The following MACROD2 variants were observed in gnomAD, a reference collection of about 807,000 sequenced individuals.
MACROD2 encodes mono-ADP ribosylhydrolase 2.
MACROD2 carries 36 observed loss-of-function variants against 70.4 expected under a neutral mutation model. That is an observed-to-expected ratio of 0.51 (90% confidence interval 0.39 to 0.68). The LOEUF (loss-of-function observed/expected upper bound fraction) is 0.68. Ranked by LOEUF, MACROD2 falls within the 30% of genes least tolerant of loss-of-function variation. The pLI is 0.00. For synonymous variants in MACROD2, 172 were observed against 178.8 expected (o/e 0.96, Z 0.30); for missense variants, 496 against 538.4 (o/e 0.92, Z 0.78).
Position 15,227,823 on chromosome 20 carries a change from GTTTTTTT to G in MACROD2, c.419-2097_419-2091del, listed in dbSNP as rs59129207. On this transcript the variant is annotated intron_variant, in intron 5 of 17. Transcript: ENST00000684519. ...TAACTGGTGTGATAGAATTTCACCT[GTTTTTTT>G]TTTTTTTTTTTTTTTTTTTCAAATT... Among the ~76,000 whole-genome samples, 30 of 46,108 alleles carry G rather than the reference GTTTTTTT, an allele frequency of 6.5e-4. 1 individual carries two copies. Among genetic ancestry groups the G allele is most frequent in the African/African-American group, 1.4e-3 (14 of 10,318 alleles). 30.2% of individuals were successfully genotyped at this position (46,108 alleles called of 152,430 possible).
At chr20:15,500,416 G>T (rs1357986652) in intron 8 of MACROD2, among the ~76,000 whole-genome samples, 2 of 152,130 alleles carry the variant, frequency 1.3e-5, no homozygotes, top group Non-Finnish European at 2.9e-5. Context: ...TAAGATCTTT[G>T]TGATACGTTT....
chr20:14,469,901 A>G (rs1316008995), intron 3 of MACROD2, among the ~76,000 whole-genome samples: 1 of 151,520 alleles, frequency 6.6e-6, no homozygotes, highest in African/African-American at 2.4e-5. Context: ...GGAGTTTGTT[A>G]TTTCTCACCC....
intron 5 of MACROD2, among the ~76,000 whole-genome samples, chr20:14,869,927 C>T (rs1446119617): frequency 2.6e-5 from 4 of 152,084 alleles, no homozygotes; most frequent in Non-Finnish European, 5.9e-5. Flanking sequence ...ATTCAGGAAC[C>T]AGGGCTCATG....
At position 14,150,605 on chromosome 20, in the gene MACROD2, T is replaced by A. The variant is rs866202813; in HGVS notation, c.271+64877T>A. ...TTGATTATCTCTCATTTTTGATTAG[T>A]ACAGATACAGAATTTTATTTTTCTT... On this transcript the variant is annotated intron_variant, in intron 3 of 17. Transcript: ENST00000684519. Among the ~76,000 whole-genome samples, 38 of 152,316 alleles carry A rather than the reference T, an allele frequency of 2.5e-4. No homozygotes were observed. In the Middle Eastern group the frequency reaches 0.01, roughly 41 times the overall value.
At chr20:15,454,430 CA>C (rs2046691070) in intron 7 of MACROD2, among the ~76,000 whole-genome samples, 2 of 150,818 alleles carry the variant, frequency 1.3e-5, no homozygotes, top group Admixed American at 1.3e-4. Context: ...CACACACACA[CA>C]CACACACACA....
chr20:15,212,416 A>G (rs6079706), intron 5 of MACROD2, among the ~76,000 whole-genome samples: 28,676 of 152,188 alleles, frequency 0.19, 2,924 homozygotes, highest in African/African-American at 0.26. Flanking sequence ...AGCTCTTCCT[A>G]CTGCAAAATG....
intron 15 of MACROD2, among the ~76,000 whole-genome samples, chr20:15,994,970 A>C (rs1403340869): frequency 6.6e-6 from 1 of 152,234 alleles, no homozygotes; most frequent in Admixed American, 6.5e-5. Context: ...TAGGAAATAT[A>C]GTATTATTTA....
At chr20:15,766,782 G>C (rs770069281) in intron 8 of MACROD2, among the ~76,000 whole-genome samples, 1 of 152,092 alleles carries the variant, frequency 6.6e-6, no homozygotes, top group African/African-American at 2.4e-5. Context: ...ATAACAAACC[G>C]CCTCATAGTA....
chr20:14,287,562 A>C (rs1445161298), intron 3 of MACROD2, among the ~76,000 whole-genome samples: 1 of 152,178 alleles, frequency 6.6e-6, no homozygotes, highest in Non-Finnish European at 1.5e-5. Context: ...CTATGTAATA[A>C]ATTACCACAA....
intron 5 of MACROD2, among the ~76,000 whole-genome samples, chr20:15,053,476 A>G (rs2075458972): frequency 6.6e-6 from 1 of 152,164 alleles, no homozygotes; most frequent in Admixed American, 6.5e-5. Flanking sequence ...TGCACTCTAT[A>G]AAAGGAACAA....
At chr20:15,087,122 C>A (rs142193275) in intron 5 of MACROD2, among the ~76,000 whole-genome samples, 1 of 152,052 alleles carries the variant, frequency 6.6e-6, no homozygotes, top group Admixed American at 6.6e-5. Context: ...CTTTCTATTT[C>A]TCTATCAATT....
At chr20:15,135,360 T>A (rs1321043148) in intron 5 of MACROD2, among the ~76,000 whole-genome samples, 11 of 151,848 alleles carry the variant, frequency 7.2e-5, no homozygotes, top group Admixed American at 2.0e-4. Flanking sequence ...AAAAAGCTTA[T>A]CCACCATGAT....
intron 9 of MACROD2, among the ~76,000 whole-genome samples, chr20:15,876,668 A>G (rs1035774657): frequency 1.3e-5 from 2 of 152,138 alleles, no homozygotes; most frequent in African/African-American, 4.8e-5. Context: ...TTCTAGTTCT[A>G]GATCCCTGAG....
At chr20:15,233,999 A>ATTCTTTTTTTT in intron 6 of MACROD2, among the ~76,000 whole-genome samples, 1 of 57,782 alleles carries the variant, frequency 1.7e-5, no homozygotes, top group African/African-American at 5.2e-5. Flanking sequence ...ATATATATAT[A>ATTCTTTTTTTT]TATATATATA....
At chr20:15,274,320 C>G (rs922410178) in intron 6 of MACROD2, among the ~76,000 whole-genome samples, 1 of 152,184 alleles carries the variant, frequency 6.6e-6, no homozygotes, top group Non-Finnish European at 1.5e-5. Context: ...TACAGTTAGA[C>G]TCCTGTGGCT....
intron 6 of MACROD2, among the ~76,000 whole-genome samples, chr20:15,290,773 A>G (rs1325174254): frequency 6.6e-6 from 1 of 152,150 alleles, no homozygotes; most frequent in Non-Finnish European, 1.5e-5. Flanking sequence ...CAAAGGAAGG[A>G]GCTGTTATTT....
intron 3 of MACROD2, among the ~76,000 whole-genome samples, chr20:14,358,613 C>T (rs2083194157): frequency 6.6e-6 from 1 of 152,016 alleles, no homozygotes; most frequent in Non-Finnish European, 1.5e-5. Context: ...CCCACCACCA[C>T]GTCTGGCTAA....
At chr20:15,786,772 T>C (rs771824030) in intron 8 of MACROD2, among the ~76,000 whole-genome samples, 6 of 152,116 alleles carry the variant, frequency 3.9e-5, no homozygotes, top group Non-Finnish European at 7.4e-5. Context: ...TCAATACATA[T>C]ATTTAAATTT....
chr20:15,727,771 T>G lies in MACROD2; in HGVS notation c.646-134974T>G, dbSNP rs116308530. Among the ~76,000 whole-genome samples, 568 of 152,168 alleles carry G rather than the reference T, an allele frequency of 3.7e-3. 4 individuals carry two copies. Among genetic ancestry groups the G allele is most frequent in the African/African-American group, 0.013 (539 of 41,552 alleles). The stretch of plus-strand genomic sequence containing the variant: ...TGTTGGTATATAGAAATGCTACTGA[T>G]TTTTGTACTTTAAAACTTTGCTGAA... On this transcript the variant is annotated intron_variant, in intron 8 of 17. Transcript: ENST00000684519.
Sources: gnomAD v4.1 joint callset for allele counts (sites outside exome capture counted in the v4.1 genomes callset) on GRCh38, gnomAD v4.1.1 for gene constraint, MANE v1.5 for transcripts, NCBI Gene and HGNC (gene_info 2026-07-23, HGNC 2026-07-21) for gene names.